Variants in TPRG1 observed in about 807,000 individuals in gnomAD.
The protein encoded by TPRG1 is tumor protein p63-regulated gene 1 protein.
Under a neutral mutation model 29.3 loss-of-function variants are expected in TPRG1, and 29 were observed. That is an observed-to-expected ratio of 0.99 (90% confidence interval 0.74 to 1.35). The LOEUF is 1.35. Among genes scored for constraint, TPRG1 ranks in the 40% most tolerant of loss-of-function variants. The pLI, the probability that TPRG1 is intolerant of heterozygous loss-of-function variation, is 0.00. For missense variants in TPRG1, 327 were observed against 335.0 expected (o/e 0.98, Z 0.19); for synonymous variants, 130 against 116.8 (o/e 1.11, Z -0.73).
At chr3:189,204,595 C>T (rs779843729) in intron 1 of TPRG1, among the ~76,000 whole-genome samples, 4 of 152,156 alleles carry the variant, frequency 2.6e-5, no homozygotes, top group Admixed American at 1.3e-4. Flanking sequence ...GGTCTCAGAG[C>T]GCAGAGCTTC....
intron 1 of TPRG1, among the ~76,000 whole-genome samples, chr3:189,000,404 T>C (rs1711966987): frequency 1.3e-5 from 2 of 152,120 alleles, no homozygotes; most frequent in South Asian, 4.1e-4. Flanking sequence ...AAACCTAATA[T>C]CTAGGTTTTT....
At chr3:189,317,354 G>A (rs1255059999) in intron 5 of TPRG1, among the ~76,000 whole-genome samples, 2 of 152,258 alleles carry the variant, frequency 1.3e-5, no homozygotes. Context: ...CTGGCAACAA[G>A]CTTCCTTTAT....
intron 4 of TPRG1, among the ~76,000 whole-genome samples, chr3:189,148,161 C>T (rs887569632): frequency 7.2e-5 from 11 of 152,134 alleles, no homozygotes; most frequent in African/African-American, 2.7e-4. Flanking sequence ...CTTTCTGCTC[C>T]CTCCTGATTG....
At chr3:189,009,880 G>A (rs937408663) in intron 3 of TPRG1, among the ~76,000 whole-genome samples, 6 of 151,500 alleles carry the variant, frequency 4.0e-5, no homozygotes, top group African/African-American at 7.3e-5. Flanking sequence ...TGGTTTGCGC[G>A]CAGATCATCC....
rs1004229404 is a variant in TPRG1, at chr3:189,219,675, GGTGTCTTT to G, written c.302+4295_302+4302del. ...TGGCTCTTCAGCAGAATGTACTTGAGGTGTCTTTGTCTACAATGGTTAAAGAGACAGGA... is the reference window on the plus strand; with the variant it reads ...TGGCTCTTCAGCAGAATGTACTTGAGGTCTACAATGGTTAAAGAGACAGGA... On this transcript the variant is annotated intron_variant, in intron 3 of 5. Transcript: ENST00000345063. 3.1e-6 allele frequency: 4 copies of G among 1,282,474 alleles called. No individual in the cohort carries two copies. The African/African-American group carries it at 6.1e-5, about 20-fold the overall frequency. 79.4% of individuals were successfully genotyped at this position (1,282,474 alleles called of 1,614,324 possible). A position where few individuals can be genotyped will look rare whatever the true frequency, so the allele number is the denominator to read the frequency against.
At chr3:189,167,698 G>A (rs1283057111), upstream of TPRG1, among the ~76,000 whole-genome samples, 4 of 152,334 alleles carry the variant, frequency 2.6e-5, no homozygotes, top group African/African-American at 9.6e-5. Flanking sequence ...AAAGTCAGGT[G>A]AGGATCTGGA....
intron 1 of TPRG1, among the ~76,000 whole-genome samples, chr3:189,106,047 GA>G (rs1719781474): frequency 6.6e-6 from 1 of 151,992 alleles, no homozygotes; most frequent in South Asian, 2.1e-4. Flanking sequence ...CCTAGGAACT[GA>G]AAATTCAACA....
intron 4 of TPRG1, among the ~76,000 whole-genome samples, chr3:189,304,957 T>C (rs190448146): frequency 1.7e-3 from 265 of 152,156 alleles, no homozygotes; most frequent in African/African-American, 6.1e-3. Context: ...AGAGCAAGAG[T>C]TAATGTCTGT....
At chr3:189,162,578 A>G (rs950233493) in intron 5 of TPRG1, among the ~76,000 whole-genome samples, 18 of 152,228 alleles carry the variant, frequency 1.2e-4, no homozygotes, top group African/African-American at 4.3e-4. Context: ...TGGGGTTTAC[A>G]TCTGGCTCTA....
chr3:189,169,318 C>T (rs1026909190), upstream of TPRG1, among the ~76,000 whole-genome samples: 3 of 152,168 alleles, frequency 2.0e-5, no homozygotes, highest in African/African-American at 7.2e-5. Flanking sequence ...GGGCCCGCCA[C>T]TGCGCCCGGC....
At chr3:189,120,140 A>G (rs886339477) in intron 1 of TPRG1, 6 of 152,252 alleles carry the variant, frequency 3.9e-5, no homozygotes, top group Non-Finnish European at 7.3e-5. Context: ...AATGACCACT[A>G]TGCTAGGAAT....
intron 4 of TPRG1, among the ~76,000 whole-genome samples, chr3:189,080,952 ACTGAGATAAGTT>A (rs1344433645): frequency 2.0e-5 from 3 of 152,118 alleles, no homozygotes; most frequent in Admixed American, 2.0e-4. Context: ...AAAGGAAGCT[ACTGAGATAAGTT>A]ACACGTGGGC....
At chr3:189,235,690 A>G (rs951049376) in intron 3 of TPRG1, among the ~76,000 whole-genome samples, 11 of 152,180 alleles carry the variant, frequency 7.2e-5, no homozygotes, top group Non-Finnish European at 2.9e-5. Flanking sequence ...CCATGTTTAC[A>G]AACCACACTG....
At chr3:189,022,182 C>T (rs940127197) in intron 3 of TPRG1, among the ~76,000 whole-genome samples, 2 of 152,036 alleles carry the variant, frequency 1.3e-5, no homozygotes, top group African/African-American at 4.8e-5. Flanking sequence ...TTTGAATGTC[C>T]TCCCGTAGCT....
intron 4 of TPRG1, among the ~76,000 whole-genome samples, chr3:189,286,706 G>A (rs1255902396): frequency 6.6e-6 from 1 of 152,090 alleles, no homozygotes; most frequent in Non-Finnish European, 1.5e-5. Context: ...GAATGTCTCT[G>A]ATCTCTTGTC....
chr3:189,206,808 C>CGTGTGTGT (rs142505576), intron 1 of TPRG1, among the ~76,000 whole-genome samples: 13,434 of 147,652 alleles, frequency 0.091, 831 homozygotes, highest in Admixed American at 0.18. Flanking sequence ...GCTGAACAAC[C>CGTGTGTGT]GTGTGTGTGT....
chr3:189,034,231 C>T (rs1308879337), intron 4 of TPRG1, among the ~76,000 whole-genome samples: 1 of 152,092 alleles, frequency 6.6e-6, no homozygotes, highest in Non-Finnish European at 1.5e-5. Context: ...GGAGGAATTA[C>T]AATAAATATA....
At chr3:189,123,883 C>G (rs375569131) in intron 1 of TPRG1, among the ~76,000 whole-genome samples, 77 of 152,240 alleles carry the variant, frequency 5.1e-4, no homozygotes, top group Middle Eastern at 6.8e-3. Flanking sequence ...TCTGGAGTCT[C>G]TCTCGCTCAG....
chr3:189,241,643 G>A (rs921433609), intron 4 of TPRG1, among the ~76,000 whole-genome samples: 12 of 152,148 alleles, frequency 7.9e-5, no homozygotes, highest in Admixed American at 7.9e-4. Context: ...TATCAACCTG[G>A]ACTCTATCTC....
Sources: gnomAD v4.1 joint callset for allele counts (sites outside exome capture counted in the v4.1 genomes callset) on GRCh38, gnomAD v4.1.1 for gene constraint, MANE v1.5 for transcripts, NCBI Gene and HGNC (gene_info 2026-07-23, HGNC 2026-07-21) for gene names.